Variants in NDST4 observed in about 807,000 individuals in gnomAD.
NDST4 encodes N-heparan sulfate sulfotransferase 4.
A neutral mutation model predicts 100.8 loss-of-function variants in NDST4; 63 were observed. The ratio of observed to expected loss-of-function variants is 0.62; its 90% CI spans 0.51 to 0.77. The LOEUF (loss-of-function observed/expected upper bound fraction) is 0.77, where lower values mean the gene tolerates loss of function less well. Ranked by LOEUF, NDST4 falls within the 30% of genes least tolerant of loss-of-function variation. NDST4 has a pLI of 0.00. For missense variants in NDST4, 943 were observed against 1,018.4 expected (o/e 0.93, Z 1.01); for synonymous variants, 377 against 361.8 (o/e 1.04, Z -0.48).
chr4:114,869,716 TA>T (rs1724107240), intron 7 of NDST4, among the ~76,000 whole-genome samples: 1 of 152,150 alleles, frequency 6.6e-6, no homozygotes. Context: ...CAGTCAGTTT[TA>T]AAACACATTT....
chr4:115,050,817 C>A (rs1452340125), intron 2 of NDST4, among the ~76,000 whole-genome samples: 2 of 152,064 alleles, frequency 1.3e-5, no homozygotes. Flanking sequence ...CTTTGTACTG[C>A]ATTAAATTCT....
chr4:115,033,129 GTGTATATA>G (rs1313356848), intron 2 of NDST4, among the ~76,000 whole-genome samples: 6 of 55,898 alleles, frequency 1.1e-4, no homozygotes, highest in African/African-American at 2.9e-4. Context: ...ATATATATAT[GTGTATATA>G]TATATATATA....
chr4:115,075,246 C>A (rs1468130350), intron 2 of NDST4, among the ~76,000 whole-genome samples: 1 of 152,184 alleles, frequency 6.6e-6, no homozygotes. Flanking sequence ...TCTATATTTT[C>A]AGATATCTGA....
intron 2 of NDST4, among the ~76,000 whole-genome samples, chr4:114,996,457 G>T (rs554169868): frequency 1.3e-5 from 2 of 152,166 alleles, no homozygotes; most frequent in African/African-American, 4.8e-5. Context: ...TTTCTGTCAT[G>T]TTATATTGTT....
At chr4:115,046,965 A>T (rs1728475341) in intron 2 of NDST4, among the ~76,000 whole-genome samples, 1 of 152,126 alleles carries the variant, frequency 6.6e-6, no homozygotes. Flanking sequence ...GAACACTTTA[A>T]CTGGAGTTAA....
chr4:114,898,234 G>A (rs1475428001), intron 6 of NDST4, among the ~76,000 whole-genome samples: 1 of 152,150 alleles, frequency 6.6e-6, no homozygotes, highest in Non-Finnish European at 1.5e-5. Context: ...TAATTTTTGT[G>A]AAGGATATAA....
intron 2 of NDST4, among the ~76,000 whole-genome samples, chr4:115,055,662 AAT>A (rs1020958918): frequency 6.6e-6 from 1 of 152,136 alleles, no homozygotes; most frequent in Non-Finnish European, 1.5e-5. Context: ...TGGTGATTTC[AAT>A]ATGTTTAATT....
chr4:115,012,807 A>T (rs930424860), intron 2 of NDST4, among the ~76,000 whole-genome samples: 2 of 152,062 alleles, frequency 1.3e-5, no homozygotes, highest in Non-Finnish European at 2.9e-5. Context: ...ATCAGTAGAC[A>T]AATGGATAAA....
At chr4:114,929,090 A>G (rs1393767341) in intron 6 of NDST4, among the ~76,000 whole-genome samples, 404 of 119,480 alleles carry the variant, frequency 3.4e-3, no homozygotes, top group Middle Eastern at 7.9e-3. Context: ...CCATCCATCC[A>G]TCCATCCATC....
intron 1 of NDST4, among the ~76,000 whole-genome samples, chr4:115,079,942 T>C (rs72667319): frequency 0.12 from 18,494 of 152,118 alleles, 1,760 homozygotes; most frequent in East Asian, 0.46. Context: ...TTTCAAAAAA[T>C]TAAAAATTTT....
intron 6 of NDST4, among the ~76,000 whole-genome samples, chr4:114,932,874 T>C (rs926453982): frequency 3.3e-5 from 5 of 152,092 alleles, no homozygotes; most frequent in Non-Finnish European, 5.9e-5. Flanking sequence ...AGCGAATTAA[T>C]AGTGTTAAAA....
chr4:114,877,585 A>G (rs768128013), intron 6 of NDST4, among the ~76,000 whole-genome samples: 6 of 152,206 alleles, frequency 3.9e-5, no homozygotes, highest in Non-Finnish European at 8.8e-5. Flanking sequence ...TGATCTTCCA[A>G]TTTCAAAGAG....
intron 2 of NDST4, among the ~76,000 whole-genome samples, chr4:114,988,344 A>T (rs1338227221): frequency 5.8e-5 from 8 of 136,842 alleles, no homozygotes; most frequent in Non-Finnish European, 1.1e-4. Flanking sequence ...GCACACAGAT[A>T]CACATATCTT....
chr4:115,084,482 G>A (rs902672711), intron 1 of NDST4, among the ~76,000 whole-genome samples: 6 of 152,178 alleles, frequency 3.9e-5, no homozygotes, highest in African/African-American at 1.4e-4. Flanking sequence ...TTCAGGGCAC[G>A]TCAGAGACCT....
At chr4:115,031,694 A>G (rs1226950460) in intron 2 of NDST4, among the ~76,000 whole-genome samples, 1 of 152,102 alleles carries the variant, frequency 6.6e-6, no homozygotes, top group Non-Finnish European at 1.5e-5. Flanking sequence ...CAAACAGAAG[A>G]GAGTGAAAAG....
chr4:115,109,975 A>T (rs1169142674), intron 1 of NDST4, among the ~76,000 whole-genome samples: 1 of 151,920 alleles, frequency 6.6e-6, no homozygotes, highest in Non-Finnish European at 1.5e-5. Flanking sequence ...ATTTCAAAAA[A>T]ATATTTTTGC....
chr4:114,951,010 A>G (rs527816310), intron 4 of NDST4, among the ~76,000 whole-genome samples: 1 of 152,108 alleles, frequency 6.6e-6, no homozygotes, highest in South Asian at 2.1e-4. Context: ...TCGTCTGTTG[A>G]GGAAAGGAAG....
intron 6 of NDST4, among the ~76,000 whole-genome samples, chr4:114,881,724 A>T (rs1168270104): frequency 6.6e-6 from 1 of 152,128 alleles, no homozygotes; most frequent in Non-Finnish European, 1.5e-5. Context: ...GTGCAGTGGC[A>T]TAAGAGACAT....
chr4:114,859,549 A>G (rs546304439), intron 7 of NDST4, among the ~76,000 whole-genome samples: 2 of 152,284 alleles, frequency 1.3e-5, no homozygotes, highest in South Asian at 4.1e-4. Context: ...TTTTCAGACT[A>G]GAGCAAACCC....
Sources: allele counts gnomAD v4.1 joint callset (sites outside exome capture counted in the v4.1 genomes callset), GRCh38; gene constraint gnomAD v4.1.1; transcripts MANE v1.5; gene names NCBI Gene and HGNC (gene_info 2026-07-23, HGNC 2026-07-21).